The following NCK2 variants were observed in gnomAD, a reference collection of about 807,000 sequenced individuals.
NCK2 encodes NCK adaptor protein 2, also known as cytoplasmic protein NCK2.
A neutral mutation model predicts 33.9 loss-of-function variants in NCK2; 16 were observed. The ratio of observed to expected loss-of-function variants is 0.47; its 90% CI spans 0.32 to 0.72. The LOEUF is 0.72. NCK2 is among the 30% of genes least tolerant of loss of function. NCK2 has a pLI of 0.03. For missense variants in NCK2, 418 were observed against 537.3 expected (o/e 0.78, Z 2.19); for synonymous variants, 273 against 239.9 (o/e 1.14, Z -1.27).
chr2:105,841,334 G>T (rs779335223), intron 2 of NCK2, among the ~76,000 whole-genome samples: 1 of 152,140 alleles, frequency 6.6e-6, no homozygotes, highest in Non-Finnish European at 1.5e-5. Context: ...CCTAAAGTTG[G>T]CTTAATAAAC....
intron 1 of NCK2, among the ~76,000 whole-genome samples, chr2:105,765,291 CA>C (rs1417856151): frequency 6.6e-6 from 1 of 152,186 alleles, no homozygotes; most frequent in Non-Finnish European, 1.5e-5. Context: ...GTTTTGAAAA[CA>C]AATTGACGAG....
rs942091216 is a variant in NCK2 at position 105,823,488 on chromosome 2, C to T, written c.-17+6875C>T. ...TCCGGTTGACTTTTATTATAACTAA[C>T]GTTGAAATGGTTTCTTTAGAAATGT... On this transcript the variant is annotated intron_variant, in intron 2 of 4. Transcript: ENST00000233154. Among the ~76,000 whole-genome samples, 8 of 151,888 alleles carry T rather than the reference C, an allele frequency of 5.3e-5. 1 individual carries two copies. Among genetic ancestry groups the T allele is most frequent in the African/African-American group, 1.9e-4 (8 of 41,202 alleles).
chr2:105,768,883 T>C (rs1039302616), intron 1 of NCK2, among the ~76,000 whole-genome samples: 1 of 152,156 alleles, frequency 6.6e-6, no homozygotes, highest in East Asian at 1.9e-4. Flanking sequence ...CACCTCCTAG[T>C]GCACCATCCC....
chr2:105,843,395 G>GAA (rs5833154), intron 2 of NCK2, among the ~76,000 whole-genome samples: 7 of 131,928 alleles, frequency 5.3e-5, no homozygotes, highest in Admixed American at 7.6e-5. Context: ...GGTCCCATAA[G>GAA]AAAAAAAAAA....
chr2:105,855,440 A>G, intron 3 of NCK2, 151 bp downstream of exon 3: 1 of 626,406 alleles, frequency 1.6e-6, no homozygotes, highest in Non-Finnish European at 2.7e-6. Context: ...AAGAATTAAG[A>G]GATGAAGATG....
intron 4 of NCK2, among the ~76,000 whole-genome samples, chr2:105,885,974 C>A (rs1678706838): frequency 6.6e-6 from 1 of 151,950 alleles, no homozygotes; most frequent in Admixed American, 6.6e-5. Flanking sequence ...TGTGTTTCTG[C>A]TGATGAATTA....
At chr2:105,886,634 TATGGTAAA>T (rs753644320) in intron 4 of NCK2, among the ~76,000 whole-genome samples, 2 of 152,206 alleles carry the variant, frequency 1.3e-5, no homozygotes, top group African/African-American at 2.4e-5. Context: ...TGTTGTGTAA[TATGGTAAA>T]ATTCTGACTT....
At chr2:105,835,167 G>T (rs1199393927) in intron 2 of NCK2, among the ~76,000 whole-genome samples, 1 of 151,282 alleles carries the variant, frequency 6.6e-6, no homozygotes, top group Non-Finnish European at 1.5e-5. Flanking sequence ...CTACCAGTGA[G>T]TTTTATACTT....
chr2:105,793,157 A>G (rs566747194), intron 1 of NCK2, among the ~76,000 whole-genome samples: 2 of 152,308 alleles, frequency 1.3e-5, no homozygotes, highest in African/African-American at 4.8e-5. Context: ...GAAGCCACAG[A>G]TGTAGGACAT....
chr2:105,816,477 C>G lies in NCK2; in HGVS notation c.-153C>G, dbSNP rs1401107258. 1 of 152,130 alleles carries G rather than the reference C, an allele frequency of 6.6e-6. No individual in the cohort carries two copies. The highest frequency in any genetic ancestry group is 1.5e-5 in the Non-Finnish European group (1 of 68,038). 9.4% of individuals were successfully genotyped at this position (152,130 alleles called of 1,614,324 possible). ...AAGCGACGTCCCAGATTATAATTCT[C>G]TGCTGAGATTTGAGTTGGATTTGAG... On this transcript the variant is annotated 5_prime_UTR_variant, in exon 2 of 5. Transcript: ENST00000233154.
At chr2:105,835,423 A>ATATATATATGTGTATATATATATATT (rs59154186) in intron 2 of NCK2, among the ~76,000 whole-genome samples, 1 of 102,110 alleles carries the variant, frequency 9.8e-6, no homozygotes, top group African/African-American at 3.8e-5. Context: ...ATATATATAT[A>ATATATATATGTGTATATATATATATT]TTTTTTTTTT....
chr2:105,758,245 A>G (rs1362376095), intron 1 of NCK2, among the ~76,000 whole-genome samples: 1 of 152,114 alleles, frequency 6.6e-6, no homozygotes, highest in African/African-American at 2.4e-5. Flanking sequence ...TAGAGATGTA[A>G]GTAATTGAAT....
chr2:105,836,226 C>T (rs185300588), intron 2 of NCK2, among the ~76,000 whole-genome samples: 14 of 151,548 alleles, frequency 9.2e-5, no homozygotes, highest in South Asian at 2.1e-4. Context: ...GCACTGTTAG[C>T]GAAATAGTTT....
chr2:105,757,603 G>A (rs1032483112), intron 1 of NCK2, among the ~76,000 whole-genome samples: 1 of 152,198 alleles, frequency 6.6e-6, no homozygotes, highest in Non-Finnish European at 1.5e-5. Context: ...TGTGCTGGGT[G>A]CCGTGGGAAA....
chr2:105,799,782 C>T (rs1194425590), intron 1 of NCK2, among the ~76,000 whole-genome samples: 1 of 152,174 alleles, frequency 6.6e-6, no homozygotes, highest in Non-Finnish European at 1.5e-5. Context: ...TAAGATAGAT[C>T]CATTTCAAGA....
chr2:105,881,312 T>C lies in NCK2; in HGVS notation c.227-16T>C. On this transcript the variant is annotated splice_polypyrimidine_tract_variant and intron_variant, in intron 3 of 4. Coordinates refer to ENST00000233154, the MANE Select transcript of NCK2 (RefSeq NM_003581.5). ...CCAAGTGCCCTGCGCCACTGAGCCT[T>C]GCTGTGTCTCCACAGGCCTCGGCAA... is the stretch of plus-strand genomic sequence containing the variant. The C allele has an allele frequency of 6.4e-7, 1 of 1,572,480 alleles. No homozygotes were observed.
chr2:105,765,216 G>C (rs758765455), intron 1 of NCK2, among the ~76,000 whole-genome samples: 4 of 152,140 alleles, frequency 2.6e-5, no homozygotes, highest in African/African-American at 7.2e-5. Flanking sequence ...CTCCATAAAG[G>C]CATTTTGGAT....
intron 1 of NCK2, among the ~76,000 whole-genome samples, chr2:105,768,604 CG>C (rs1690023843): frequency 6.6e-6 from 1 of 152,216 alleles, no homozygotes; most frequent in African/African-American, 2.4e-5. Context: ...GTCCAACCCG[CG>C]GTCCAGGATG....
chr2:105,880,839 G>A (rs951408841), intron 3 of NCK2, among the ~76,000 whole-genome samples: 8 of 151,532 alleles, frequency 5.3e-5, no homozygotes, highest in Non-Finnish European at 1.2e-4. Context: ...GCAGTGGAGC[G>A]ATCATGGCTC....
Sources: gnomAD v4.1 joint callset for allele counts (sites outside exome capture counted in the v4.1 genomes callset) on GRCh38, gnomAD v4.1.1 for gene constraint, MANE v1.5 for transcripts, NCBI Gene and HGNC (gene_info 2026-07-23, HGNC 2026-07-21) for gene names.